PPP4R3B: variants seen among roughly 807,000 people sequenced by gnomAD.
PPP4R3B encodes the protein serine/threonine-protein phosphatase 4 regulatory subunit 3B.
Under a neutral mutation model 95.4 loss-of-function variants are expected in PPP4R3B, and 52 were observed. That is an observed-to-expected ratio of 0.54 (90% CI 0.44 to 0.69). PPP4R3B has a LOEUF of 0.69. PPP4R3B is among the 30% of genes least tolerant of loss of function. PPP4R3B has a pLI of 0.00. For synonymous variants in PPP4R3B, 407 were observed against 343.9 expected, an observed-to-expected ratio of 1.18 and a Z score of -2.03; for missense variants, 1,003 against 1,005.9, an observed-to-expected ratio of 1.00 and a Z score of 0.04.
In PPP4R3B at chr2:55,580,790, C is replaced by G. The variant is rs546513839; in HGVS notation, c.1365+777G>C. ...AGGAAATTTTATAAAGAAAAATATC[C>G]CTCCATATTGAGAGAATGACTATTA... On this transcript the variant is annotated intron_variant, in intron 8 of 16. Coordinates refer to ENST00000616407, the MANE Select transcript of PPP4R3B (RefSeq NM_001122964.3). Among the ~76,000 whole-genome samples, 120 of 151,810 alleles carry G rather than the reference C, an allele frequency of 7.9e-4. 3 individuals carry two copies. The South Asian group carries it at 0.016, about 20-fold the overall frequency.
At chr2:55,573,469 T>C (rs777721032) in intron 12 of PPP4R3B, 150 bp downstream of exon 12, 6 of 681,512 alleles carry the variant, frequency 8.8e-6, no homozygotes, top group Non-Finnish European at 1.2e-5. Flanking sequence ...TACAACCTAG[T>C]CCTCTTGCCC....
In PPP4R3B at chr2:55,573,777, T is replaced by A. The variant is rs1422346202; in HGVS notation, c.1607A>T (p.Asp536Val). The change falls in exon 12 of 17, where the codon GAT becomes GTT. Residue 536 changes from aspartate to valine, a missense_variant and splice_region_variant. Asp to Val is a radical substitution (Grantham distance 152). Transcript: ENST00000616407. ...AAGTAGCTGTGCTGTTTGATAATTA[T>A]CTACAAAAGAAAGTAATCTCATGAA... ...GSNKNNTICP[D>V]NYQTAQLLAL... 6.7e-7 allele frequency: 1 copy of A among 1,496,610 alleles called. No homozygotes were observed. Among genetic ancestry groups the A allele is most frequent in the Non-Finnish European group, 8.9e-7 (1 of 1,127,458 alleles). The allele number at this position is 1,496,610 out of a possible 1,614,324, so 92.7% of individuals were successfully genotyped here. A position where few individuals can be genotyped will look rare whatever the true frequency, so the allele number is the denominator to read the frequency against.
chr2:55,590,955 T>G (rs1051842161), intron 4 of PPP4R3B, among the ~76,000 whole-genome samples: 1 of 152,168 alleles, frequency 6.6e-6, no homozygotes, highest in Non-Finnish European at 1.5e-5. Flanking sequence ...GACAAGACAC[T>G]GGGAGATGAA....
At chr2:55,561,209 A>G (rs974663859) in intron 15 of PPP4R3B, among the ~76,000 whole-genome samples, 1 of 152,168 alleles carries the variant, frequency 6.6e-6, no homozygotes, top group African/African-American at 2.4e-5. Context: ...GGTGGCTTCC[A>G]TGTGACACGG....
At position 55,608,010 on chromosome 2, in the gene PPP4R3B, CTCT is replaced by C. The variant is rs1693652247; in HGVS notation, c.199-3937_199-3935del. Among the ~76,000 whole-genome samples, 17 of 152,150 alleles carry C rather than the reference CTCT, an allele frequency of 1.1e-4. No individual in the cohort carries two copies. In the South Asian group the frequency reaches 3.1e-3, roughly 28 times the overall value. On this transcript the variant is annotated intron_variant, in intron 2 of 16. Coordinates refer to ENST00000616407, the MANE Select transcript of PPP4R3B (RefSeq NM_001122964.3). ...ACCTTTTCATCATCACTTTCTTTTG[CTCT>C]TCTTTTTTTTGATACAGAGTCTCAC...
In PPP4R3B at chr2:55,573,734, T is replaced by C; in HGVS notation, c.1650A>G (p.Leu550=). The change falls in exon 12 of 17, where the codon TTA becomes TTG. Residue 550 remains leucine (L), a synonymous_variant. Transcript: ENST00000616407. ...TGTGATGTTCCACACAAAATGTGAGTAACTCTAAAATTAAGGCAAGTAGCT... is the reference window on the plus strand; with the variant it reads ...TGTGATGTTCCACACAAAATGTGAGCAACTCTAAAATTAAGGCAAGTAGCT... ...TAQLLALILE[L]LTFCVEHHTY... 6.5e-7 allele frequency: 1 copy of C among 1,539,896 alleles called. No individual in the cohort carries two copies. Among genetic ancestry groups the C allele is most frequent in the Non-Finnish European group, 8.7e-7 (1 of 1,143,816 alleles).
intron 4 of PPP4R3B, among the ~76,000 whole-genome samples, chr2:55,590,506 T>C (rs1690860670): frequency 6.6e-6 from 1 of 152,160 alleles, no homozygotes; most frequent in Non-Finnish European, 1.5e-5. Flanking sequence ...TTATCTATAT[T>C]TTCTAATTTT....
At chr2:55,572,558 A>T (rs1048896250) in intron 12 of PPP4R3B, among the ~76,000 whole-genome samples, 2 of 152,212 alleles carry the variant, frequency 1.3e-5, no homozygotes, top group African/African-American at 4.8e-5. Flanking sequence ...ACATTTTAAA[A>T]TTAGTAACAC....
intron 16 of PPP4R3B, among the ~76,000 whole-genome samples, chr2:55,552,566 G>C (rs187449829): frequency 9.1e-4 from 139 of 152,212 alleles, no homozygotes; most frequent in Non-Finnish European, 1.5e-3. Context: ...GCTAACTTTT[G>C]TATTTTTAGT....
At chr2:55,577,210 T>G in intron 11 of PPP4R3B, 105 bp downstream of exon 11, 1 of 1,384,808 alleles carries the variant, frequency 7.2e-7, no homozygotes, top group Non-Finnish European at 9.5e-7. Flanking sequence ...GATTTTGTTT[T>G]TATGCCAAAA....
intron 11 of PPP4R3B, among the ~76,000 whole-genome samples, chr2:55,575,196 T>C (rs1430328402): frequency 2.0e-5 from 3 of 151,920 alleles, no homozygotes; most frequent in Middle Eastern, 3.4e-3. Context: ...CACCTCGGCC[T>C]CCCAAAGTGC....
chr2:55,557,965 A>G (rs1319590874), intron 16 of PPP4R3B, among the ~76,000 whole-genome samples: 2 of 152,156 alleles, frequency 1.3e-5, no homozygotes, highest in Non-Finnish European at 2.9e-5. Flanking sequence ...CGACAATAAT[A>G]TAATCCAATT....
intron 2 of PPP4R3B, chr2:55,614,285 T>C (rs761879127): frequency 5.9e-5 from 9 of 152,144 alleles, no homozygotes; most frequent in African/African-American, 9.7e-5. Context: ...AATCCTAAAA[T>C]AATTTATCTT....
intron 2 of PPP4R3B, among the ~76,000 whole-genome samples, chr2:55,605,904 C>CAAAAAAAAAAAAAAAAAAAAAA (rs35675375): frequency 1.2e-5 from 1 of 86,438 alleles, no homozygotes; most frequent in Admixed American, 1.2e-4. Flanking sequence ...GACTCCGTCT[C>CAAAAAAAAAAAAAAAAAAAAAA]AAAAAAAAAA....
chr2:55,589,915 C>CAAAAAAAAAAA (rs778982130), intron 4 of PPP4R3B, among the ~76,000 whole-genome samples: 1 of 82,036 alleles, frequency 1.2e-5, no homozygotes. Flanking sequence ...GACTCCATCT[C>CAAAAAAAAAAA]AAAAAAAAAA....
chr2:55,579,444 C>CGTTT (rs1689140970), intron 9 of PPP4R3B, among the ~76,000 whole-genome samples: 1 of 151,722 alleles, frequency 6.6e-6, no homozygotes, highest in Non-Finnish European at 1.5e-5. Flanking sequence ...TTCAGAGAAA[C>CGTTT]TTCCGTAGCA....
intron 2 of PPP4R3B, among the ~76,000 whole-genome samples, chr2:55,608,590 G>A (rs531445409): frequency 6.6e-6 from 1 of 152,194 alleles, no homozygotes; most frequent in Non-Finnish European, 1.5e-5. Flanking sequence ...CTCCCAATGA[G>A]TTTCCCACTT....
intron 1 of PPP4R3B, 116 bp from the exon 2 acceptor site, chr2:55,615,622 G>A (rs1160332242): frequency 1.1e-5 from 7 of 620,750 alleles, no homozygotes; most frequent in Non-Finnish European, 1.9e-5. Context: ...AGCACTTTGG[G>A]AGGCGGGCAG....
In PPP4R3B at chr2:55,585,113, C is replaced by G; in HGVS notation, c.1171G>C (p.Val391Leu). The change falls in exon 7 of 17, where the codon GTA becomes CTA. Residue 391 changes from valine (V) to leucine (L), a missense_variant. By Grantham distance (32) the Val-to-Leu change is conservative (BLOSUM62 1). Coordinates refer to ENST00000616407, the MANE Select transcript of PPP4R3B (RefSeq NM_001122964.3). ...SAATDIFSYL[V>L]EFSPSMVREF... ...CGGACCATAGATGGACTAAATTCTACTAGATAAGAAAATATATCTGTAGCA... is the reference window on the plus strand; with the variant it reads ...CGGACCATAGATGGACTAAATTCTAGTAGATAAGAAAATATATCTGTAGCA... The G allele has an allele frequency of 6.2e-7, 1 of 1,611,694 alleles. No individual in the cohort carries two copies. Among genetic ancestry groups the G allele is most frequent in the Non-Finnish European group, 8.5e-7 (1 of 1,179,056 alleles).
Sources: gnomAD v4.1 joint callset for allele counts (sites outside exome capture counted in the v4.1 genomes callset) on GRCh38, gnomAD v4.1.1 for gene constraint, MANE v1.5 for transcripts, NCBI Gene and HGNC (gene_info 2026-07-23, HGNC 2026-07-21) for gene names.